Variants in URI1 observed in about 807,000 individuals in gnomAD.
URI1 encodes URI1 prefoldin like chaperone.
Under a neutral mutation model 60.2 loss-of-function variants are expected in URI1, and 39 were observed. That is an observed-to-expected ratio of 0.65 (90% CI 0.50 to 0.85). The LOEUF is 0.85. Ranked by LOEUF, URI1 falls within the 40% of genes least tolerant of loss-of-function variation. The pLI is 0.00. For missense variants in URI1, 691 were observed against 665.9 expected (o/e 1.04, Z -0.42); for synonymous variants, 251 against 236.8 (o/e 1.06, Z -0.55).
In URI1 at chr19:29,942,434, G is replaced by T. The variant is rs1428931318; in HGVS notation, c.-114G>T. ...GCGGCGGGCGCGGCCTCCTGGGCGC[G>T]GGGCGCGCGGTGCCTGAGGGCGGGC... is the stretch of plus-strand genomic sequence containing the variant. On this transcript the variant is annotated 5_prime_UTR_variant, in exon 1 of 11. Transcript: ENST00000392271. 3.0e-6 allele frequency: 3 copies of T among 986,092 alleles called. No individual in the cohort carries two copies. The highest frequency in any genetic ancestry group is 4.5e-5 in the South Asian group (1 of 22,164). The allele number at this position is 986,092 out of a possible 1,614,324, so 61.1% of individuals were successfully genotyped here.
intron 1 of URI1, chr19:29,956,708 G>A: frequency 1.3e-6 from 2 of 1,548,168 alleles, no homozygotes; most frequent in Non-Finnish European, 1.8e-6. Flanking sequence ...AGCATACACA[G>A]ACCTCATCTT....
intron 1 of URI1, among the ~76,000 whole-genome samples, chr19:29,934,701 TA>T (rs2054953734): frequency 6.6e-6 from 1 of 152,056 alleles, no homozygotes; most frequent in Admixed American, 6.5e-5. Flanking sequence ...AAACCTGGCT[TA>T]TTTTTTTTTA....
chr19:29,959,419 G>A (rs1223379335), intron 1 of URI1, among the ~76,000 whole-genome samples: 6 of 152,202 alleles, frequency 3.9e-5, no homozygotes, highest in African/African-American at 1.4e-4. Context: ...GTCAGCCACT[G>A]TGCCTGGCTC....
intron 1 of URI1, among the ~76,000 whole-genome samples, chr19:29,927,607 C>T (rs1443829299): frequency 9.3e-5 from 12 of 129,664 alleles, no homozygotes; most frequent in East Asian, 2.5e-4. Context: ...CTCACTCTGT[C>T]GCCCAGGCTA....
At chr19:29,936,599 T>C (rs1200008543) in intron 1 of URI1, among the ~76,000 whole-genome samples, 2 of 152,238 alleles carry the variant, frequency 1.3e-5, no homozygotes, top group African/African-American at 4.8e-5. Context: ...TGTATGTTCA[T>C]ATCCTTCATC....
chr19:30,010,556 C>CT (rs1265067029), intron 8 of URI1, among the ~76,000 whole-genome samples: 1 of 152,118 alleles, frequency 6.6e-6, no homozygotes, highest in Admixed American at 6.6e-5. Flanking sequence ...AAAGTATGCT[C>CT]TAAGTGCTGA....
chr19:29,960,911 T>A (rs930737352), intron 1 of URI1, among the ~76,000 whole-genome samples: 1 of 152,142 alleles, frequency 6.6e-6, no homozygotes, highest in African/African-American at 2.4e-5. Context: ...TGGAGTGCAG[T>A]GGTATGGTCA....
At chr19:29,973,416 A>G (rs2055483283) in intron 2 of URI1, among the ~76,000 whole-genome samples, 1 of 152,154 alleles carries the variant, frequency 6.6e-6, no homozygotes, top group African/African-American at 2.4e-5. Flanking sequence ...CCTTGGTATT[A>G]GCCTAGTCTA....
Position 29,968,565 on chromosome 19 carries a change from C to CT in URI1, c.118-2604dup, listed in dbSNP as rs35475321. Reference sequence around the variant, plus strand: ...AGTTGTAGAAATTTACTAATTTTTTCTTTTTTTTTTTTTTTTTTTTTTTTG... The same window carrying CT: ...AGTTGTAGAAATTTACTAATTTTTTCTTTTTTTTTTTTTTTTTTTTTTTTTG... On this transcript the variant is annotated intron_variant, in intron 1 of 10. Transcript: ENST00000392271. Among the ~76,000 whole-genome samples the CT allele has an allele frequency of 3.3e-3, 247 of 74,368 alleles. 12 individuals are homozygous for CT. The highest frequency in any genetic ancestry group is 0.012 in the Middle Eastern group (1 of 84). 48.8% of individuals were successfully genotyped at this position (74,368 alleles called of 152,430 possible). A position where few individuals can be genotyped will look rare whatever the true frequency, so the allele number is the denominator to read the frequency against.
chr19:29,942,722 C>G, intron 1 of URI1, 58 bp downstream of exon 1: 1 of 1,320,134 alleles, frequency 7.6e-7, no homozygotes, highest in Non-Finnish European at 9.7e-7. Flanking sequence ...CCTGCCTGTG[C>G]TCTGGGCCGC....
upstream of URI1, among the ~76,000 whole-genome samples, chr19:29,938,776 A>G (rs1239385590): frequency 6.6e-6 from 1 of 151,792 alleles, no homozygotes; most frequent in Non-Finnish European, 1.5e-5. Context: ...TCCCGGGTTC[A>G]TGCCATTCTC....
intron 1 of URI1, among the ~76,000 whole-genome samples, chr19:29,964,860 T>G (rs2055372697): frequency 6.6e-6 from 1 of 151,946 alleles, no homozygotes; most frequent in South Asian, 2.1e-4. Context: ...TTCCTGTTTT[T>G]TTTTTTTTTT....
At chr19:29,940,757 G>C (rs2055014862), upstream of URI1, among the ~76,000 whole-genome samples, 1 of 152,210 alleles carries the variant, frequency 6.6e-6, no homozygotes, top group African/African-American at 2.4e-5. Context: ...GGAGCTAGGG[G>C]GTGGGTCAGC....
upstream of URI1, among the ~76,000 whole-genome samples, chr19:29,939,908 T>G (rs552689286): frequency 6.6e-6 from 1 of 152,102 alleles, no homozygotes; most frequent in Non-Finnish European, 1.5e-5. Context: ...TGAATTCTAG[T>G]AGGATGTCTG....
chr19:30,009,215 TG>T lies in URI1; in HGVS notation c.898del (p.Asp300MetfsTer26), dbSNP rs1247068314. ...ATGGTTCCAGTTCTTACCACAGTGA[TG>T]ATGATGATGATGATGATGATGACGA... ...VNGSSSYHSD[D>X]DDDDDDDDDD... On this transcript the variant is annotated frameshift_variant, in exon 8 of 11. Transcript: ENST00000392271. LOFTEE classifies it high-confidence loss of function. 8.5e-6 allele frequency: 7 copies of T among 821,268 alleles called. No homozygotes were observed. The highest frequency in any genetic ancestry group is 1.1e-5 in the Non-Finnish European group (7 of 625,916). 50.9% of individuals were successfully genotyped at this position (821,268 alleles called of 1,614,324 possible). A position where few individuals can be genotyped will look rare whatever the true frequency, so the allele number is the denominator to read the frequency against.
upstream of URI1, among the ~76,000 whole-genome samples, chr19:29,941,622 TA>T (rs1436201029): frequency 2.5e-3 from 354 of 138,884 alleles, no homozygotes; most frequent in Middle Eastern, 3.6e-3. Flanking sequence ...CTCAGTCTCT[TA>T]AAAAAAAAAA....
At chr19:29,944,185 A>ATATATATATATG (rs1555736104) in intron 1 of URI1, among the ~76,000 whole-genome samples, 28 of 100,714 alleles carry the variant, frequency 2.8e-4, no homozygotes, top group Non-Finnish European at 5.0e-4. Context: ...ATATATATAT[A>ATATATATATATG]TATATATAAA....
At chr19:29,985,157 A>T in intron 2 of URI1, 66 bp from the exon 3 acceptor site, 1 of 178,028 alleles carries the variant, frequency 5.6e-6, no homozygotes, top group Non-Finnish European at 1.1e-5. Context: ...AAAAAAAAAA[A>T]AAAAAAAAAA....
intron 4 of URI1, among the ~76,000 whole-genome samples, chr19:29,986,860 T>C (rs963590871): frequency 3.3e-5 from 5 of 152,216 alleles, no homozygotes; most frequent in Admixed American, 2.6e-4. Context: ...AAAAATGCTT[T>C]TTGGTTTGGA....
Sources: allele counts gnomAD v4.1 joint callset (sites outside exome capture counted in the v4.1 genomes callset), GRCh38; gene constraint gnomAD v4.1.1; transcripts MANE v1.5; gene names NCBI Gene and HGNC (gene_info 2026-07-23, HGNC 2026-07-21).